MOB1B: variants seen among roughly 807,000 people sequenced by gnomAD.
The protein encoded by MOB1B is MOB kinase activator 1B.
MOB1B carries 19 observed loss-of-function variants against 24.4 expected under a neutral mutation model. That is an observed-to-expected ratio of 0.78 (90% confidence interval 0.54 to 1.14). MOB1B has a LOEUF of 1.14. Among genes scored for constraint, MOB1B ranks in the 50% most tolerant of loss-of-function variants. The probability of loss-of-function intolerance (pLI) is 0.00; values close to 1 mark genes in which losing one functional copy is unlikely to be tolerated. For missense variants in MOB1B, 243 were observed against 259.6 expected (o/e 0.94, Z 0.44); for synonymous variants, 76 against 82.1 (o/e 0.93, Z 0.40).
chr4:70,975,793 C>A, intron 4 of MOB1B: 1 of 943,962 alleles, frequency 1.1e-6, no homozygotes, highest in Non-Finnish European at 1.3e-6. Context: ...CCATACATAA[C>A]ATATATTTTT....
At chr4:70,974,735 C>T (rs186660346) in intron 3 of MOB1B, among the ~76,000 whole-genome samples, 56 of 152,134 alleles carry the variant, frequency 3.7e-4, no homozygotes, top group Non-Finnish European at 7.2e-4. Context: ...TATCCTTAAC[C>T]GAAAATTTAA....
rs186577391 is a variant in MOB1B, at chr4:70,973,932, G to A, written c.276-1221G>A. 3.9e-3 allele frequency among the ~76,000 whole-genome samples: 592 copies of A among 152,264 alleles called. 2 individuals are homozygous for A. The highest frequency in any genetic ancestry group is 6.6e-3 in the Non-Finnish European group (447 of 68,018). On this transcript the variant is annotated intron_variant, in intron 3 of 5. Coordinates refer to ENST00000309395, the MANE Select transcript of MOB1B (RefSeq NM_173468.4). ...TTAAAATACCCTATAGTATTTTTCT[G>A]TTATATATTGTCATCTCCTTTCCCA...
At chr4:70,973,660 A>C (rs536858917) in intron 3 of MOB1B, among the ~76,000 whole-genome samples, 1 of 152,288 alleles carries the variant, frequency 6.6e-6, no homozygotes, top group African/African-American at 2.4e-5. Context: ...TAAAAACAGA[A>C]TATCAAGAGG....
chr4:70,957,477 A>T (rs1319149233), intron 1 of MOB1B, among the ~76,000 whole-genome samples: 1 of 149,906 alleles, frequency 6.7e-6, no homozygotes, highest in African/African-American at 2.5e-5. Flanking sequence ...TCTGTTGCCC[A>T]GGCTGGAGTA....
At chr4:70,969,770 ACAAGCTCCT>A (rs546178618) in intron 2 of MOB1B, among the ~76,000 whole-genome samples, 152 bp from the exon 3 acceptor site, 1 of 152,180 alleles carries the variant, frequency 6.6e-6, no homozygotes, top group Non-Finnish European at 1.5e-5. Flanking sequence ...TTTGATGAAC[ACAAGCTCCT>A]CATTTCAATG....
chr4:70,981,054 A>G (rs1408006855), intron 5 of MOB1B, among the ~76,000 whole-genome samples: 3 of 152,180 alleles, frequency 2.0e-5, no homozygotes, highest in Non-Finnish European at 4.4e-5. Context: ...GGTCGCTGTG[A>G]AAGTATATTT....
chr4:70,966,051 A>G (rs991140406), intron 2 of MOB1B, among the ~76,000 whole-genome samples: 27 of 152,278 alleles, frequency 1.8e-4, no homozygotes, highest in African/African-American at 6.0e-4. Context: ...TGGCTCTTAC[A>G]AAGAATGGAA....
chr4:70,963,234 C>T (rs1459367428), intron 2 of MOB1B, among the ~76,000 whole-genome samples: 1 of 151,968 alleles, frequency 6.6e-6, no homozygotes, highest in Non-Finnish European at 1.5e-5. Flanking sequence ...GATGTACGTA[C>T]ATGTAGCCAT....
chr4:70,908,330 CTTT>C (rs1214043788), intron 1 of MOB1B, among the ~76,000 whole-genome samples: 6 of 132,218 alleles, frequency 4.5e-5, no homozygotes, highest in Admixed American at 7.6e-5. Flanking sequence ...GCCCGGCCCT[CTTT>C]TTTTTTTTTT....
At chr4:70,974,162 T>C (rs1437767023) in intron 3 of MOB1B, among the ~76,000 whole-genome samples, 2 of 152,170 alleles carry the variant, frequency 1.3e-5, no homozygotes, top group African/African-American at 2.4e-5. Flanking sequence ...GTAACTCTTT[T>C]AGGGTTTTTT....
intron 3 of MOB1B, among the ~76,000 whole-genome samples, chr4:70,972,507 C>A (rs1013822645): frequency 5.3e-5 from 8 of 152,066 alleles, no homozygotes; most frequent in Non-Finnish European, 7.4e-5. Context: ...AGCCACTGCA[C>A]CTGGCCCTCA....
chr4:70,908,428 A>G (rs532886880), intron 1 of MOB1B, among the ~76,000 whole-genome samples: 2 of 151,728 alleles, frequency 1.3e-5, no homozygotes, highest in African/African-American at 4.8e-5. Context: ...GAAGAAAGGA[A>G]GGAAATACTT....
At chr4:70,950,884 A>G in intron 1 of MOB1B, 2 of 837,014 alleles carry the variant, frequency 2.4e-6, no homozygotes, top group African/African-American at 1.7e-5. Context: ...GTAGTAAGGT[A>G]GGTATTATTA....
At chr4:70,923,965 CAAAAA>C (rs5859245) in intron 1 of MOB1B, among the ~76,000 whole-genome samples, 3 of 127,836 alleles carry the variant, frequency 2.3e-5, no homozygotes, top group Non-Finnish European at 4.7e-5. Flanking sequence ...AAATTAGACT[CAAAAA>C]AAAAAAAAGA....
chr4:70,973,103 A>T (rs1738832779), intron 3 of MOB1B, among the ~76,000 whole-genome samples: 1 of 152,148 alleles, frequency 6.6e-6, no homozygotes, highest in Admixed American at 6.6e-5. Flanking sequence ...AAGCCTTAGG[A>T]TATTGAAAGT....
chr4:70,956,688 G>A (rs1411107295), intron 1 of MOB1B, among the ~76,000 whole-genome samples: 1 of 152,108 alleles, frequency 6.6e-6, no homozygotes, highest in Non-Finnish European at 1.5e-5. Flanking sequence ...CCAAAGTGCT[G>A]GGATTATAGG....
At position 70,986,723 on chromosome 4, in the gene MOB1B, T is replaced by TA. The variant is rs1739393240; in HGVS notation, c.*4668dup. 1 of 152,172 alleles carries TA rather than the reference T, an allele frequency of 6.6e-6. No homozygotes were observed. Among genetic ancestry groups the TA allele is most frequent in the Admixed American group, 6.5e-5 (1 of 15,280 alleles). 9.4% of individuals were successfully genotyped at this position (152,172 alleles called of 1,614,324 possible). On this transcript the variant is annotated 3_prime_UTR_variant, in exon 6 of 6. Transcript: ENST00000309395. ...AATCACTGTTGTTCAGCTATCACCT[T>TA]AATTGTGTATGATATGATAAATGTT...
At chr4:70,974,964 G>A (rs1738917131) in intron 3 of MOB1B, among the ~76,000 whole-genome samples, 189 bp from the exon 4 acceptor site, 1 of 152,176 alleles carries the variant, frequency 6.6e-6, no homozygotes, top group Non-Finnish European at 1.5e-5. Context: ...AGTTTGTTGG[G>A]ATCTACTTAG....
At chr4:70,905,034 T>C (rs1735682470) in intron 1 of MOB1B, among the ~76,000 whole-genome samples, 2 of 152,212 alleles carry the variant, frequency 1.3e-5, no homozygotes, top group African/African-American at 4.8e-5. Flanking sequence ...TATATCTATC[T>C]AGCAGTTGAT....
Sources: allele counts gnomAD v4.1 joint callset (sites outside exome capture counted in the v4.1 genomes callset), GRCh38; gene constraint gnomAD v4.1.1; transcripts MANE v1.5; gene names NCBI Gene and HGNC (gene_info 2026-07-23, HGNC 2026-07-21).